STK32B: variants seen among roughly 807,000 people sequenced by gnomAD.
STK32B encodes the protein serine/threonine kinase 32B.
In STK32B, 43 loss-of-function variants were observed where a neutral mutation model predicts 52.6. The observed-to-expected ratio is 0.82, with a 90% CI of 0.64 to 1.05. The LOEUF is 1.05. Ranked by LOEUF, STK32B falls within the 50% of genes least tolerant of loss-of-function variation. The probability of loss-of-function intolerance (pLI) is 0.00; values close to 1 mark genes in which losing one functional copy is unlikely to be tolerated. For synonymous variants in STK32B, 238 were observed against 204.3 expected (o/e 1.17, Z -1.41); for missense variants, 621 against 534.6 (o/e 1.16, Z -1.59).
intron 3 of STK32B, among the ~76,000 whole-genome samples, chr4:5,174,727 C>T (rs979041758): frequency 6.6e-6 from 1 of 151,998 alleles, no homozygotes; most frequent in African/African-American, 2.4e-5. Context: ...CTCTGGCTGC[C>T]CTTAACATTT....
At chr4:5,486,719 C>A (rs1364706156) in intron 11 of STK32B, among the ~76,000 whole-genome samples, 1 of 152,158 alleles carries the variant, frequency 6.6e-6, no homozygotes, top group Admixed American at 6.5e-5. Context: ...TGGAGCAGTT[C>A]CTATTTAGGG....
At chr4:5,124,732 G>GTGTA (rs1715257145) in intron 1 of STK32B, among the ~76,000 whole-genome samples, 1 of 152,170 alleles carries the variant, frequency 6.6e-6, no homozygotes, top group Non-Finnish European at 1.5e-5. Flanking sequence ...GTATGCATGT[G>GTGTA]TGTATGTGTG....
At chr4:5,204,904 T>C (rs1722448613) in intron 3 of STK32B, among the ~76,000 whole-genome samples, 1 of 152,206 alleles carries the variant, frequency 6.6e-6, no homozygotes, top group African/African-American at 2.4e-5. Context: ...ACTTGACTGG[T>C]CTACAGATTG....
intron 4 of STK32B, among the ~76,000 whole-genome samples, chr4:5,397,860 G>A (rs1481328985): frequency 6.6e-6 from 1 of 152,242 alleles, no homozygotes; most frequent in African/African-American, 2.4e-5. Context: ...GGATGGCTCA[G>A]CTACCTCAAG....
At chr4:5,055,134 G>T (rs1741951556) in intron 1 of STK32B, among the ~76,000 whole-genome samples, 1 of 152,128 alleles carries the variant, frequency 6.6e-6, no homozygotes, top group Admixed American at 6.5e-5. Context: ...CTGTCACCCA[G>T]GCTGGAGGGC....
intron 3 of STK32B, among the ~76,000 whole-genome samples, chr4:5,260,187 A>G (rs1465217064): frequency 6.6e-6 from 1 of 152,182 alleles, no homozygotes; most frequent in Non-Finnish European, 1.5e-5. Context: ...AAAAAGGGAG[A>G]AAGCTGCCAA....
At chr4:5,412,574 G>C (rs1711785994) in intron 5 of STK32B, among the ~76,000 whole-genome samples, 1 of 152,180 alleles carries the variant, frequency 6.6e-6, no homozygotes. Flanking sequence ...GAGTGGGACG[G>C]GGAAAGCTCC....
intron 3 of STK32B, among the ~76,000 whole-genome samples, chr4:5,239,761 A>T (rs767834966): frequency 6.8e-6 from 1 of 147,816 alleles, no homozygotes; most frequent in African/African-American, 2.5e-5. Flanking sequence ...AAGAGTCAGA[A>T]TTTTTTTTTT....
chr4:5,042,023 G>A, the STK32B span, among the ~76,000 whole-genome samples: 5 of 152,242 alleles, frequency 3.3e-5, no homozygotes, highest in African/African-American at 7.2e-5. Flanking sequence ...CAGCGTGATC[G>A]TGTTACATAA....
At chr4:5,156,531 G>A (rs886781151) in intron 2 of STK32B, among the ~76,000 whole-genome samples, 5 of 152,130 alleles carry the variant, frequency 3.3e-5, no homozygotes, top group Admixed American at 2.0e-4. Flanking sequence ...CAGCAGGAGC[G>A]TCCACGGTGA....
Position 5,365,662 on chromosome 4 carries a change from C to A in STK32B, c.435-32545C>A, listed in dbSNP as rs560453986. On this transcript the variant is annotated intron_variant, in intron 4 of 11. Transcript: ENST00000282908. ...AGTTGCATGAAAGTACAAAGAGTTT[C>A]TATTGAAAGTGGAAGCAGGTGGCAT... is the stretch of plus-strand genomic sequence containing the variant. 8.7e-4 allele frequency among the ~76,000 whole-genome samples: 133 copies of A among 152,276 alleles called. 1 individual carries two copies. Among genetic ancestry groups the A allele is most frequent in the African/African-American group, 3.1e-3 (130 of 41,570 alleles).
intron 1 of STK32B, among the ~76,000 whole-genome samples, chr4:5,089,364 G>A (rs951843966): frequency 3.3e-5 from 5 of 152,088 alleles, no homozygotes; most frequent in African/African-American, 1.2e-4. Flanking sequence ...AGGCCCTGGT[G>A]TGTGTTGTTC....
chr4:5,259,756 T>C (rs750387996), intron 3 of STK32B, among the ~76,000 whole-genome samples: 1 of 152,144 alleles, frequency 6.6e-6, no homozygotes, highest in Non-Finnish European at 1.5e-5. Flanking sequence ...ACTCTTCCTT[T>C]AACAAGATGC....
chr4:5,229,775 A>C (rs1560241527), intron 3 of STK32B, among the ~76,000 whole-genome samples: 1 of 152,144 alleles, frequency 6.6e-6, no homozygotes, highest in African/African-American at 2.4e-5. Context: ...CGAACACAAA[A>C]CTAAATGGCA....
At chr4:5,279,990 T>A (rs1728088168) in intron 3 of STK32B, among the ~76,000 whole-genome samples, 1 of 152,200 alleles carries the variant, frequency 6.6e-6, no homozygotes, top group Non-Finnish European at 1.5e-5. Flanking sequence ...AAGGGGCTGC[T>A]GTGAAGGTCT....
intron 7 of STK32B, among the ~76,000 whole-genome samples, chr4:5,452,607 G>C (rs1184237118): frequency 6.6e-6 from 1 of 152,080 alleles, no homozygotes; most frequent in Non-Finnish European, 1.5e-5. Flanking sequence ...ATTGCCTAAG[G>C]AACTGTTTTT....
intron 11 of STK32B, among the ~76,000 whole-genome samples, chr4:5,487,138 G>C (rs1312459368): frequency 6.6e-6 from 1 of 152,164 alleles, no homozygotes; most frequent in Non-Finnish European, 1.5e-5. Context: ...GCACCAGAAT[G>C]GATCTGTCCC....
At chr4:5,072,278 A>C (rs1384814588) in intron 1 of STK32B, among the ~76,000 whole-genome samples, 1 of 152,024 alleles carries the variant, frequency 6.6e-6, no homozygotes, top group African/African-American at 2.4e-5. Context: ...GCAACCCCAC[A>C]TTTACATTGT....
rs1359367078 is a variant in STK32B, at chr4:5,467,605, C to A, written c.1042-401C>A. On this transcript the variant is annotated intron_variant, in intron 10 of 11. Transcript: ENST00000282908. The surrounding 1 kb of genome is among the most constrained non-coding windows in gnomAD (Gnocchi z 5.8). ...TACTGGGGGGCTGGGACTCAAGATACCTTTCAGAGGACACAATTCAACACA... is the reference window on the plus strand; with the variant it reads ...TACTGGGGGGCTGGGACTCAAGATAACTTTCAGAGGACACAATTCAACACA... 6.6e-6 allele frequency among the ~76,000 whole-genome samples: 1 copy of A among 152,104 alleles called. No individual in the cohort carries two copies. Among genetic ancestry groups the A allele is most frequent in the Non-Finnish European group, 1.5e-5 (1 of 68,026 alleles).
Sources: gnomAD v4.1 joint callset for allele counts (sites outside exome capture counted in the v4.1 genomes callset) on GRCh38, gnomAD v4.1.1 for gene constraint, Gnocchi (gnomAD v3.1) non-coding constraint, MANE v1.5 for transcripts, NCBI Gene and HGNC (gene_info 2026-07-23, HGNC 2026-07-21) for gene names.